The following AGBL1 variants were observed in gnomAD, a reference collection of about 807,000 sequenced individuals.
The protein encoded by AGBL1 is AGBL carboxypeptidase 1, also known as cytosolic carboxypeptidase 4.
A neutral mutation model predicts 118.9 loss-of-function variants in AGBL1; 130 were observed. The ratio of observed to expected loss-of-function variants is 1.09; its 90% CI spans 0.95 to 1.26. The LOEUF (loss-of-function observed/expected upper bound fraction) is 1.26, where lower values mean the gene tolerates loss of function less well. Ranked by LOEUF, AGBL1 falls within the 50% of genes most tolerant of loss-of-function variation. The pLI is 0.00. For missense variants in AGBL1, 1,584 were observed against 1,298.1 expected (o/e 1.22, Z -3.38); for synonymous variants, 555 against 478.9 (o/e 1.16, Z -2.08).
chr15:86,385,424 A>G (rs896916367), intron 17 of AGBL1, among the ~76,000 whole-genome samples: 1 of 152,218 alleles, frequency 6.6e-6, no homozygotes, highest in Non-Finnish European at 1.5e-5. Flanking sequence ...AGTCTCAGGC[A>G]TCACCTCAGA....
At chr15:86,872,415 G>A (rs1290234895) in intron 22 of AGBL1, among the ~76,000 whole-genome samples, 1 of 152,070 alleles carries the variant, frequency 6.6e-6, no homozygotes, top group Non-Finnish European at 1.5e-5. Flanking sequence ...TGCCGCTAAT[G>A]GTATTGCAAA....
chr15:86,480,196 G>T (rs1320782862), intron 18 of AGBL1, among the ~76,000 whole-genome samples: 1 of 152,128 alleles, frequency 6.6e-6, no homozygotes, highest in African/African-American at 2.4e-5. Flanking sequence ...TGCACGTTGT[G>T]CACATGCACC....
At chr15:86,904,941 G>T (rs1052894048) in intron 22 of AGBL1, among the ~76,000 whole-genome samples, 1 of 151,954 alleles carries the variant, frequency 6.6e-6, no homozygotes, top group Non-Finnish European at 1.5e-5. Context: ...TCTGACAGAG[G>T]CATGGGCCTT....
intron 23 of AGBL1, among the ~76,000 whole-genome samples, chr15:86,967,099 T>G (rs962680046): frequency 1.3e-4 from 20 of 152,226 alleles, no homozygotes; most frequent in Non-Finnish European, 2.9e-5. Context: ...TTTTTTCATG[T>G]GTCTTTTGGC....
At chr15:86,640,965 G>T (rs1310405702) in intron 21 of AGBL1, among the ~76,000 whole-genome samples, 1 of 34,106 alleles carries the variant, frequency 2.9e-5, no homozygotes, top group East Asian at 4.6e-3. Flanking sequence ...AATTACTGAG[G>T]TTGATTTTTT....
chr15:86,893,011 T>G (rs868149267), intron 22 of AGBL1, among the ~76,000 whole-genome samples: 2 of 152,196 alleles, frequency 1.3e-5, no homozygotes, highest in Middle Eastern at 6.8e-3. Context: ...AGAAAATAGA[T>G]AGAAGGTCAA....
At chr15:86,262,077 G>GTTTTTTTTTTTTTTTT (rs1491268138) in intron 9 of AGBL1, among the ~76,000 whole-genome samples, 7 of 3,488 alleles carry the variant, frequency 2.0e-3, no homozygotes, top group Non-Finnish European at 3.4e-3. Flanking sequence ...TGCATAGCTG[G>GTTTTTTTTTTTTTTTT]CTTTTTTTTT....
intron 18 of AGBL1, among the ~76,000 whole-genome samples, chr15:86,491,814 G>A (rs746861553): frequency 6.6e-5 from 10 of 151,626 alleles, no homozygotes; most frequent in Non-Finnish European, 1.3e-4. Flanking sequence ...TATATTTAGT[G>A]ATGTTATGCT....
chr15:86,730,078 A>G (rs551885966), intron 22 of AGBL1, among the ~76,000 whole-genome samples: 3 of 152,334 alleles, frequency 2.0e-5, no homozygotes, highest in South Asian at 4.1e-4. Flanking sequence ...TCTTTTGAGA[A>G]GTGCCTAAGA....
At chr15:86,434,924 G>C (rs2081982772) in intron 18 of AGBL1, among the ~76,000 whole-genome samples, 2 of 152,206 alleles carry the variant, frequency 1.3e-5, no homozygotes, top group East Asian at 3.8e-4. Flanking sequence ...TTGTTCTGAA[G>C]TTGTTTTGCT....
intron 24 of AGBL1, among the ~76,000 whole-genome samples, chr15:87,012,217 A>ACC (rs1289517179): frequency 1.5e-4 from 22 of 151,294 alleles, no homozygotes; most frequent in Non-Finnish European, 2.7e-4. Flanking sequence ...ACACACACAC[A>ACC]CACACACACA....
chr15:86,985,576 T>G (rs960300205), intron 23 of AGBL1, among the ~76,000 whole-genome samples: 2 of 151,974 alleles, frequency 1.3e-5, no homozygotes, highest in African/African-American at 4.8e-5. Context: ...CATGTTATAT[T>G]GGGTTGTTTG....
intron 22 of AGBL1, among the ~76,000 whole-genome samples, chr15:86,814,034 A>C (rs1259931808): frequency 6.6e-6 from 1 of 152,146 alleles, no homozygotes; most frequent in Admixed American, 6.5e-5. Context: ...TGGCCTGGGA[A>C]GCCGGATGCT....
chr15:86,152,892 A>C (rs111559628), intron 3 of AGBL1, among the ~76,000 whole-genome samples: 1 of 152,262 alleles, frequency 6.6e-6, no homozygotes, highest in Non-Finnish European at 1.5e-5. Context: ...TTATGCAGCC[A>C]ACAGACATGT....
At chr15:86,859,110 A>T (rs113844166) in intron 22 of AGBL1, among the ~76,000 whole-genome samples, 4 of 152,218 alleles carry the variant, frequency 2.6e-5, no homozygotes, top group African/African-American at 9.6e-5. Context: ...GCTCCAAGGC[A>T]TATGGAATAG....
chr15:86,465,580 C>T (rs1030573208), intron 18 of AGBL1, among the ~76,000 whole-genome samples: 6 of 152,264 alleles, frequency 3.9e-5, no homozygotes, highest in Admixed American at 6.5e-5. Flanking sequence ...CCTGGGAAAA[C>T]GAATGCATTC....
At chr15:86,662,701 T>TTTATCACAAATAAA (rs2085565827) in intron 21 of AGBL1, among the ~76,000 whole-genome samples, 1 of 152,214 alleles carries the variant, frequency 6.6e-6, no homozygotes, top group African/African-American at 2.4e-5. Flanking sequence ...CATTCTGGCT[T>TTTATCACAAATAAA]AGGCTTCTTA....
chr15:86,420,009 C>T (rs1332732544), intron 18 of AGBL1, among the ~76,000 whole-genome samples: 1 of 152,148 alleles, frequency 6.6e-6, no homozygotes, highest in East Asian at 1.9e-4. Flanking sequence ...GACAGAGCAC[C>T]TGGGGGAAGG....
At chr15:86,380,231 C>CCTTG (rs1555475555) in intron 17 of AGBL1, among the ~76,000 whole-genome samples, 1 of 118,800 alleles carries the variant, frequency 8.4e-6, no homozygotes, top group Admixed American at 9.6e-5. Context: ...TCATTCCCTC[C>CCTTG]CCTGCCTGCC....
Sources: allele counts gnomAD v4.1 joint callset (sites outside exome capture counted in the v4.1 genomes callset), GRCh38; gene constraint gnomAD v4.1.1; transcripts MANE v1.5; gene names NCBI Gene and HGNC (gene_info 2026-07-23, HGNC 2026-07-21).